Variants in NRXN3 observed in about 807,000 individuals in gnomAD.
NRXN3 encodes neurexin 3.
In NRXN3, 32 loss-of-function variants were observed where a neutral mutation model predicts 137.6. The observed-to-expected ratio is 0.23, with a 90% CI of 0.18 to 0.31. The LOEUF (loss-of-function observed/expected upper bound fraction) is 0.31. Ranked by LOEUF, NRXN3 falls within the 10% of genes least tolerant of loss-of-function variation. The pLI is 1.00. For missense variants in NRXN3, 1,574 were observed against 2,062.5 expected, an observed-to-expected ratio of 0.76 and a Z score of 4.59; for synonymous variants, 798 against 784.5, an observed-to-expected ratio of 1.02 and a Z score of -0.29.
chr14:79,261,873 G>C (rs947363035), intron 15 of NRXN3, among the ~76,000 whole-genome samples: 1 of 152,016 alleles, frequency 6.6e-6, no homozygotes, highest in African/African-American at 2.4e-5. Context: ...TTGGCAGTTT[G>C]GGGCTAGTGG....
chr14:78,403,384 C>T (rs2092251624), intron 4 of NRXN3, among the ~76,000 whole-genome samples: 1 of 152,134 alleles, frequency 6.6e-6, no homozygotes, highest in African/African-American at 2.4e-5. Context: ...AGTAGATACC[C>T]CTGGTATTTC....
In NRXN3 at chr14:78,581,124, G is replaced by C. The variant is rs1276501360; in HGVS notation, c.758-63996G>C. Among the ~76,000 whole-genome samples the C allele has an allele frequency of 5.3e-5, 8 of 152,292 alleles. No homozygotes were observed. In the East Asian group the frequency reaches 9.6e-4, roughly 18 times the overall value. On this transcript the variant is annotated intron_variant, in intron 4 of 20. Transcript: ENST00000335750. ...AAAGTTAAAGAAACTGAGGCTTAGA[G>C]AGCTACTTGACCAAAATCACAAGGC...
intron 2 of NRXN3, among the ~76,000 whole-genome samples, chr14:78,266,772 A>G (rs2071817116): frequency 6.6e-6 from 1 of 152,144 alleles, no homozygotes; most frequent in African/African-American, 2.4e-5. Flanking sequence ...GAGCTTTACA[A>G]CACCTCCTTA....
At chr14:78,587,047 C>G (rs2097071192) in intron 4 of NRXN3, among the ~76,000 whole-genome samples, 1 of 152,156 alleles carries the variant, frequency 6.6e-6, no homozygotes, top group South Asian at 2.1e-4. Flanking sequence ...GTTAGATTTA[C>G]TGGGGCTTCT....
rs2293816 is a variant in NRXN3, at chr14:79,817,035, T to C, written c.4093+11845T>C. 2.2e-3 allele frequency among the ~76,000 whole-genome samples: 337 copies of C among 152,292 alleles called. 10 individuals are homozygous for C. The East Asian group carries it at 0.044, about 20-fold the overall frequency. ...GATAGTGCAGTATTTTGCTTTAATT[T>C]GGTGTGAAGTTTAGTTGCCCCCATA... is the stretch of plus-strand genomic sequence containing the variant. On this transcript the variant is annotated intron_variant, in intron 20 of 20. Coordinates refer to ENST00000335750, the MANE Select transcript of NRXN3 (RefSeq NM_001330195.2).
chr14:79,844,528 T>C (rs1480866710), intron 20 of NRXN3, among the ~76,000 whole-genome samples: 4 of 152,000 alleles, frequency 2.6e-5, no homozygotes, highest in African/African-American at 9.7e-5. Flanking sequence ...ACGAAAACAA[T>C]GTTAGTCTCC....
chr14:78,194,639 C>G (rs1027166694), intron 1 of NRXN3, among the ~76,000 whole-genome samples: 1 of 152,076 alleles, frequency 6.6e-6, no homozygotes, highest in Admixed American at 6.5e-5. Flanking sequence ...GGAGAGCTAC[C>G]TATGCTGCGG....
At chr14:78,707,648 C>T (rs2098366864) in intron 6 of NRXN3, among the ~76,000 whole-genome samples, 1 of 152,054 alleles carries the variant, frequency 6.6e-6, no homozygotes, top group African/African-American at 2.4e-5. Flanking sequence ...TTTTGGTGCA[C>T]TCATCACCCA....
At chr14:79,593,768 A>G (rs1017166981) in intron 16 of NRXN3, among the ~76,000 whole-genome samples, 1 of 152,202 alleles carries the variant, frequency 6.6e-6, no homozygotes, top group African/African-American at 2.4e-5. Context: ...ATAATTTTCA[A>G]TTTGATGGAT....
intron 15 of NRXN3, among the ~76,000 whole-genome samples, chr14:79,409,625 A>C (rs905148964): frequency 1.4e-5 from 2 of 144,912 alleles, no homozygotes; most frequent in South Asian, 4.3e-4. Flanking sequence ...GTCTATATAT[A>C]TATATATATA....
intron 15 of NRXN3, among the ~76,000 whole-genome samples, chr14:79,422,975 G>T (rs2095603039): frequency 6.6e-6 from 1 of 152,126 alleles, no homozygotes; most frequent in Non-Finnish European, 1.5e-5. Context: ...TGGGATTACA[G>T]GCATGGGTCA....
At chr14:79,301,246 A>G (rs780265020) in intron 15 of NRXN3, among the ~76,000 whole-genome samples, 1 of 152,094 alleles carries the variant, frequency 6.6e-6, no homozygotes, top group South Asian at 2.1e-4. Context: ...CATGTGGACT[A>G]TCTGCTGTGA....
intron 8 of NRXN3, among the ~76,000 whole-genome samples, chr14:78,727,379 A>G (rs1254077335): frequency 6.6e-6 from 1 of 152,180 alleles, no homozygotes; most frequent in Admixed American, 6.5e-5. Context: ...GGGTTTGTGT[A>G]GTTGGCAGGA....
intron 15 of NRXN3, among the ~76,000 whole-genome samples, chr14:79,148,311 T>G (rs1303762243): frequency 6.6e-6 from 1 of 152,128 alleles, no homozygotes; most frequent in Non-Finnish European, 1.5e-5. Context: ...CATTCACAGA[T>G]CTAGGGAGGC....
intron 15 of NRXN3, among the ~76,000 whole-genome samples, chr14:79,127,882 G>A (rs1278812761): frequency 6.6e-6 from 1 of 151,210 alleles, no homozygotes; most frequent in Admixed American, 6.6e-5. Flanking sequence ...TCCTTGAAGA[G>A]GTCCTTCACA....
At chr14:79,831,684 G>C (rs1209644457) in intron 20 of NRXN3, among the ~76,000 whole-genome samples, 1 of 152,106 alleles carries the variant, frequency 6.6e-6, no homozygotes, top group African/African-American at 2.4e-5. Context: ...CTACTCATGA[G>C]AGACTAAGAA....
intron 4 of NRXN3, among the ~76,000 whole-genome samples, chr14:78,468,272 G>A (rs1225048461): frequency 1.3e-5 from 2 of 152,134 alleles, no homozygotes; most frequent in Admixed American, 1.3e-4. Flanking sequence ...TTTCTCATGA[G>A]TATTAGGTTG....
rs181898085 is a variant in NRXN3 at position 78,719,216 on chromosome 14, C to A, written c.2044+4077C>A. Among the ~76,000 whole-genome samples the A allele has an allele frequency of 5.9e-3, 904 of 152,328 alleles. 11 individuals are homozygous for A. Among genetic ancestry groups the A allele is most frequent in the Non-Finnish European group, 6.7e-3 (455 of 68,022 alleles). The stretch of plus-strand genomic sequence containing the variant: ...TGGCAAGAAAGTAAATAAAGCTCAG[C>A]ACAAGTTCATCCCAATGTCAAGAAA... On this transcript the variant is annotated intron_variant, in intron 8 of 20. Transcript: ENST00000335750.
chr14:78,433,753 CG>C (rs1423071063), intron 4 of NRXN3, among the ~76,000 whole-genome samples: 2 of 152,090 alleles, frequency 1.3e-5, no homozygotes, highest in African/African-American at 4.8e-5. Flanking sequence ...CTTCCAGAAA[CG>C]GTAAGAAATA....
Sources: gnomAD v4.1 joint callset for allele counts (sites outside exome capture counted in the v4.1 genomes callset) on GRCh38, gnomAD v4.1.1 for gene constraint, MANE v1.5 for transcripts, NCBI Gene and HGNC (gene_info 2026-07-23, HGNC 2026-07-21) for gene names.